CACNG2: variants seen among roughly 807,000 people sequenced by gnomAD.
CACNG2 encodes the protein voltage-dependent calcium channel gamma-2 subunit.
In CACNG2, 3 loss-of-function variants were observed where a neutral mutation model predicts 25.9. The ratio of observed to expected loss-of-function variants is 0.12; its 90% CI spans 0.05 to 0.30. The LOEUF is 0.30. Among genes scored for constraint, CACNG2 ranks in the 10% least tolerant of loss-of-function variants. The pLI, the probability that CACNG2 is intolerant of heterozygous loss-of-function variation, is 1.00. For missense variants in CACNG2, 341 were observed against 432.5 expected, an observed-to-expected ratio of 0.79 and a Z score of 1.88; for synonymous variants, 167 against 173.3, an observed-to-expected ratio of 0.96 and a Z score of 0.29.
chr22:36,692,357 G>A (rs921933921), intron 1 of CACNG2, among the ~76,000 whole-genome samples: 4 of 152,202 alleles, frequency 2.6e-5, no homozygotes, highest in Non-Finnish European at 5.9e-5. Flanking sequence ...ACGGCACTCC[G>A]CAAAGGCAAA....
chr22:36,607,600 C>T (rs1335829337), intron 1 of CACNG2, among the ~76,000 whole-genome samples: 2 of 152,148 alleles, frequency 1.3e-5, no homozygotes, highest in African/African-American at 4.8e-5. Context: ...AGAGTCAAGC[C>T]AGAGTGCTCA....
intron 2 of CACNG2, among the ~76,000 whole-genome samples, chr22:36,582,092 C>G (rs2145918321): frequency 6.6e-6 from 1 of 152,374 alleles, no homozygotes; most frequent in South Asian, 2.1e-4. Flanking sequence ...CTGGTTCAAG[C>G]TGTCATCACC....
chr22:36,640,304 A>G (rs965546907), intron 1 of CACNG2, among the ~76,000 whole-genome samples: 1 of 152,222 alleles, frequency 6.6e-6, no homozygotes, highest in African/African-American at 2.4e-5. Context: ...GACGATTGTT[A>G]TATTTCCTCT....
intron 2 of CACNG2, among the ~76,000 whole-genome samples, chr22:36,567,105 G>C (rs911444856): frequency 1.3e-5 from 2 of 152,172 alleles, no homozygotes; most frequent in East Asian, 3.9e-4. Context: ...CTGTGCAATA[G>C]AAAAAGTATC....
chr22:36,624,592 C>A (rs1317341161), intron 1 of CACNG2, among the ~76,000 whole-genome samples: 3 of 152,138 alleles, frequency 2.0e-5, no homozygotes, highest in Non-Finnish European at 2.9e-5. Context: ...TTCCCCATTG[C>A]CCTTTCATCT....
At chr22:36,641,084 C>T (rs1936436609) in intron 1 of CACNG2, among the ~76,000 whole-genome samples, 2 of 152,160 alleles carry the variant, frequency 1.3e-5, no homozygotes, top group African/African-American at 4.8e-5. Flanking sequence ...GTTCAATGAC[C>T]GCCTCCTCTG....
intron 1 of CACNG2, among the ~76,000 whole-genome samples, chr22:36,604,415 G>C (rs1200972333): frequency 6.6e-6 from 1 of 152,228 alleles, no homozygotes; most frequent in Non-Finnish European, 1.5e-5. Context: ...CAGCAGCAGG[G>C]TTTGAGAAGA....
At chr22:36,611,697 G>A (rs770633944) in intron 1 of CACNG2, among the ~76,000 whole-genome samples, 1 of 152,196 alleles carries the variant, frequency 6.6e-6, no homozygotes, top group Non-Finnish European at 1.5e-5. Context: ...ACTAAAGTGT[G>A]GGAGTCTGAC....
intron 1 of CACNG2, among the ~76,000 whole-genome samples, chr22:36,697,446 C>A (rs1937354741): frequency 6.6e-6 from 1 of 152,156 alleles, no homozygotes; most frequent in Non-Finnish European, 1.5e-5. Flanking sequence ...TTGCAGAGGG[C>A]ACATGATAGG....
chr22:36,572,504 C>T (rs1603500417), intron 2 of CACNG2, among the ~76,000 whole-genome samples: 1 of 152,270 alleles, frequency 6.6e-6, no homozygotes, highest in East Asian at 1.9e-4. Context: ...GAGTTCGAGA[C>T]CAGCATGGCC....
At chr22:36,608,010 A>G (rs1935870648) in intron 1 of CACNG2, among the ~76,000 whole-genome samples, 1 of 152,172 alleles carries the variant, frequency 6.6e-6, no homozygotes, top group Non-Finnish European at 1.5e-5. Flanking sequence ...AGCATCTCCA[A>G]CTTTGCACCT....
chr22:36,605,700 C>T (rs539707363), intron 1 of CACNG2, among the ~76,000 whole-genome samples: 2 of 152,308 alleles, frequency 1.3e-5, no homozygotes, highest in South Asian at 4.1e-4. Context: ...TCACCTAGCT[C>T]GCTAAGAGGT....
chr22:36,564,236 T>G lies in CACNG2; in HGVS notation c.*115A>C, dbSNP rs1935083413. ...GTTTTTTGTTTTTTTGTTTTTTTTG[T>G]TTTTTGTTTTTGCTTTTGGAAGGTC... On this transcript the variant is annotated 3_prime_UTR_variant, in exon 4 of 4. Transcript: ENST00000300105. The surrounding 1 kb of genome is among the most constrained non-coding windows in gnomAD (Gnocchi z 6.7). 1.1e-6 allele frequency: 1 copy of G among 889,194 alleles called. No individual in the cohort carries two copies. The highest frequency in any genetic ancestry group is 3.5e-5 in the Admixed American group (1 of 28,510). The allele number at this position is 889,194 out of a possible 1,614,324, so 55.1% of individuals were successfully genotyped here. A position where few individuals can be genotyped will look rare whatever the true frequency, so the allele number is the denominator to read the frequency against.
intron 1 of CACNG2, among the ~76,000 whole-genome samples, chr22:36,599,265 GA>G (rs34282187): frequency 0.51 from 77,432 of 151,982 alleles, 20,292 homozygotes; most frequent in Admixed American, 0.61. Context: ...ACACTGGACA[GA>G]AAAAAATCAA....
At chr22:36,664,428 T>C (rs540117389) in intron 1 of CACNG2, among the ~76,000 whole-genome samples, 1 of 152,332 alleles carries the variant, frequency 6.6e-6, no homozygotes, top group East Asian at 1.9e-4. Flanking sequence ...CTTACGCTCA[T>C]TCCACTCGAG....
At chr22:36,654,760 G>A (rs562063719) in intron 1 of CACNG2, among the ~76,000 whole-genome samples, 4 of 152,190 alleles carry the variant, frequency 2.6e-5, no homozygotes, top group South Asian at 2.1e-4. Context: ...ATCTACAAGA[G>A]TTTCATGAGG....
intron 1 of CACNG2, among the ~76,000 whole-genome samples, chr22:36,693,099 T>C (rs543808169): frequency 3.3e-5 from 5 of 152,154 alleles, no homozygotes; most frequent in East Asian, 1.9e-4. Flanking sequence ...TGAGCCAAGA[T>C]TGCACCACTG....
intron 1 of CACNG2, among the ~76,000 whole-genome samples, chr22:36,655,686 C>T (rs947829857): frequency 6.6e-6 from 1 of 150,716 alleles, no homozygotes; most frequent in African/African-American, 2.5e-5. Context: ...TTCCTTTCTT[C>T]CTTCCTTCCT....
At chr22:36,626,935 G>A (rs536538960) in intron 1 of CACNG2, among the ~76,000 whole-genome samples, 6 of 152,372 alleles carry the variant, frequency 3.9e-5, no homozygotes, top group Admixed American at 1.3e-4. Flanking sequence ...AATCCTCCAA[G>A]CTGGTTATCC....
Sources: gnomAD v4.1 joint callset for allele counts (sites outside exome capture counted in the v4.1 genomes callset) on GRCh38, gnomAD v4.1.1 for gene constraint, Gnocchi (gnomAD v3.1) non-coding constraint, MANE v1.5 for transcripts, NCBI Gene and HGNC (gene_info 2026-07-23, HGNC 2026-07-21) for gene names.